HYCC2: variants seen among roughly 807,000 people sequenced by gnomAD.
The protein encoded by HYCC2 is hyccin PI4KA lipid kinase complex subunit 2, also known as hyccin 2.
chr2:201,017,099 T>C, the HYCC2 span: 4 of 1,613,924 alleles, frequency 2.5e-6, no homozygotes, highest in African/African-American at 2.7e-5. Flanking sequence ...AGAACTGCAG[T>C]GTGAACCTCT....
the HYCC2 span, among the ~76,000 whole-genome samples, chr2:200,994,523 C>T: frequency 1.5e-4 from 23 of 152,224 alleles, 1 homozygote; most frequent in African/African-American, 5.3e-4. Flanking sequence ...AGGCATGAGC[C>T]ACCGCGCCTG....
chr2:201,028,331 G>A, the HYCC2 span, among the ~76,000 whole-genome samples: 4 of 152,082 alleles, frequency 2.6e-5, no homozygotes, highest in Non-Finnish European at 4.4e-5. Context: ...AAAAATGGAA[G>A]AACATTCCAT....
chr2:201,062,754 G>T, the HYCC2 span, among the ~76,000 whole-genome samples: 1 of 149,166 alleles, frequency 6.7e-6, no homozygotes, highest in Non-Finnish European at 1.5e-5. Flanking sequence ...GGAGGTTGAG[G>T]CTGCAGTGAG....
At chr2:201,062,476 G>A in the HYCC2 span, among the ~76,000 whole-genome samples, 3 of 152,012 alleles carry the variant, frequency 2.0e-5, no homozygotes, top group Non-Finnish European at 4.4e-5. Context: ...GTGAAACCCC[G>A]TCTTTAATAA....
chr2:201,063,099 C>A, the HYCC2 span: 1 of 1,609,446 alleles, frequency 6.2e-7, no homozygotes, highest in South Asian at 1.1e-5. Context: ...ATGTCTAAGT[C>A]AGAGTCTCCT....
chr2:201,033,405 ATTTT>A, the HYCC2 span, among the ~76,000 whole-genome samples: 1 of 149,936 alleles, frequency 6.7e-6, no homozygotes, highest in Non-Finnish European at 1.5e-5. Context: ...ATTTTATTTT[ATTTT>A]ATTTTATTTT....
the HYCC2 span, among the ~76,000 whole-genome samples, chr2:201,065,663 T>C: frequency 1.3e-5 from 2 of 152,200 alleles, no homozygotes; most frequent in East Asian, 1.9e-4. Flanking sequence ...ATTGCTCAGA[T>C]GAAGCGTAAG....
At chr2:201,030,147 C>T in the HYCC2 span, among the ~76,000 whole-genome samples, 1 of 152,048 alleles carries the variant, frequency 6.6e-6, no homozygotes, top group Non-Finnish European at 1.5e-5. Flanking sequence ...GACATACTTT[C>T]CAAAATAAAC....
chr2:201,004,014 A>G, the HYCC2 span, among the ~76,000 whole-genome samples: 2 of 151,700 alleles, frequency 1.3e-5, no homozygotes, highest in Non-Finnish European at 2.9e-5. Context: ...GGGTTTCACC[A>G]TGTTTTGGTC....
At chr2:201,035,827 A>C in the HYCC2 span, among the ~76,000 whole-genome samples, 4 of 151,824 alleles carry the variant, frequency 2.6e-5, no homozygotes, top group Non-Finnish European at 5.9e-5. Context: ...AATAGTCAGG[A>C]CCCTCAGCTG....
chr2:201,025,128 A>C, the HYCC2 span, among the ~76,000 whole-genome samples: 2 of 151,998 alleles, frequency 1.3e-5, no homozygotes, highest in South Asian at 4.1e-4. Flanking sequence ...TAAATAAATA[A>C]ATAAATGCAC....
chr2:201,053,957 C>A, the HYCC2 span, among the ~76,000 whole-genome samples: 1 of 152,078 alleles, frequency 6.6e-6, no homozygotes, highest in Admixed American at 6.5e-5. Flanking sequence ...GAGCGAGACT[C>A]CATCTCAAAA....
At chr2:201,048,994 T>C in the HYCC2 span, among the ~76,000 whole-genome samples, 1 of 151,098 alleles carries the variant, frequency 6.6e-6, no homozygotes, top group Non-Finnish European at 1.5e-5. Flanking sequence ...CAGGGTGTGG[T>C]GGTGTGTGCC....
At chr2:201,038,292 G>T in the HYCC2 span, among the ~76,000 whole-genome samples, 1 of 152,180 alleles carries the variant, frequency 6.6e-6, no homozygotes, top group African/African-American at 2.4e-5. Flanking sequence ...TACACTGTTG[G>T]TGGGACTGTA....
the HYCC2 span, among the ~76,000 whole-genome samples, chr2:201,071,010 G>A: frequency 6.6e-6 from 1 of 152,118 alleles, no homozygotes; most frequent in South Asian, 2.1e-4. Context: ...CAATGTAAAT[G>A]GCACTCAAGC....
chr2:201,036,447 A>C, the HYCC2 span, among the ~76,000 whole-genome samples: 1 of 152,138 alleles, frequency 6.6e-6, no homozygotes, highest in Non-Finnish European at 1.5e-5. Flanking sequence ...CAAAAAAAGA[A>C]AATTTTAGAC....
chr2:200,984,671 G>C, the HYCC2 span, among the ~76,000 whole-genome samples: 3 of 152,308 alleles, frequency 2.0e-5, no homozygotes, highest in South Asian at 6.2e-4. Flanking sequence ...GATCCCTTGA[G>C]TTGAGGAGTT....
the HYCC2 span, among the ~76,000 whole-genome samples, chr2:201,068,639 A>T: frequency 6.6e-6 from 1 of 152,188 alleles, no homozygotes; most frequent in Admixed American, 6.5e-5. Flanking sequence ...TCTATTTCCA[A>T]CTCCATGAAG....
the HYCC2 span, among the ~76,000 whole-genome samples, chr2:201,008,721 C>T: frequency 6.6e-6 from 1 of 152,024 alleles, no homozygotes; most frequent in Non-Finnish European, 1.5e-5. Context: ...ATAGCAAGAC[C>T]TTTTCTCTAC....
Sources: gnomAD v4.1 joint callset for allele counts (sites outside exome capture counted in the v4.1 genomes callset) on GRCh38, gnomAD v4.1.1 for gene constraint, MANE v1.5 for transcripts, NCBI Gene and HGNC (gene_info 2026-07-23, HGNC 2026-07-21) for gene names.